The following KCNMB2 variants were observed in gnomAD, a reference collection of about 807,000 sequenced individuals.
The protein encoded by KCNMB2 is calcium-activated potassium channel subunit beta-2.
A neutral mutation model predicts 24.5 loss-of-function variants in KCNMB2; 9 were observed. The observed-to-expected ratio is 0.37, with a 90% CI of 0.22 to 0.64. KCNMB2 has a LOEUF of 0.64. Ranked by LOEUF, KCNMB2 falls within the 30% of genes least tolerant of loss-of-function variation. The pLI is 0.63. For synonymous variants in KCNMB2, 109 were observed against 104.4 expected (o/e 1.04, Z -0.27); for missense variants, 226 against 284.3 (o/e 0.79, Z 1.47).
intron 1 of KCNMB2, among the ~76,000 whole-genome samples, chr3:178,570,394 G>A (rs879802452): frequency 6.6e-6 from 1 of 151,800 alleles, no homozygotes. Flanking sequence ...TAGACAAAAC[G>A]TGAAAATATT....
intron 1 of KCNMB2, among the ~76,000 whole-genome samples, chr3:178,592,457 G>A (rs766650918): frequency 9.9e-5 from 15 of 151,858 alleles, no homozygotes; most frequent in African/African-American, 1.7e-4. Flanking sequence ...GGAATGATGC[G>A]TATGTGTAAT....
chr3:178,673,869 C>A (rs1271511567), intron 1 of KCNMB2, among the ~76,000 whole-genome samples: 1 of 152,052 alleles, frequency 6.6e-6, no homozygotes, highest in East Asian at 1.9e-4. Context: ...ACACTCTCAC[C>A]AATTCTTTCT....
chr3:178,753,701 C>A (rs753478016), intron 1 of KCNMB2, among the ~76,000 whole-genome samples: 1 of 152,082 alleles, frequency 6.6e-6, no homozygotes. Context: ...TTATGGCATA[C>A]AATGTGATGT....
intron 1 of KCNMB2, among the ~76,000 whole-genome samples, chr3:178,625,284 C>A (rs1020214886): frequency 6.6e-6 from 1 of 152,024 alleles, no homozygotes; most frequent in Non-Finnish European, 1.5e-5. Flanking sequence ...AGGGGCCCAC[C>A]CAGGACAAGG....
chr3:178,754,909 C>A (rs1723978679), intron 1 of KCNMB2, among the ~76,000 whole-genome samples: 1 of 152,290 alleles, frequency 6.6e-6, no homozygotes, highest in Middle Eastern at 3.4e-3. Context: ...GACTAAAGTT[C>A]CTCTCCCGCA....
intron 1 of KCNMB2, among the ~76,000 whole-genome samples, chr3:178,692,941 G>A (rs575893957): frequency 6.6e-6 from 1 of 152,264 alleles, no homozygotes; most frequent in East Asian, 1.9e-4. Context: ...ATGTTTTGCA[G>A]TTCTCCTAAT....
chr3:178,817,228 A>ATATATATATATATATATATATAT (rs1553781212), intron 2 of KCNMB2, among the ~76,000 whole-genome samples: 9 of 102,432 alleles, frequency 8.8e-5, no homozygotes, highest in African/African-American at 2.7e-4. Flanking sequence ...TATATATATA[A>ATATATATATATATATATATATAT]ATGAAGTGTG....
chr3:178,756,664 G>C (rs539792649), intron 1 of KCNMB2, among the ~76,000 whole-genome samples: 1 of 152,122 alleles, frequency 6.6e-6, no homozygotes, highest in East Asian at 1.9e-4. Context: ...CCCAAATTCA[G>C]CCATTTCTCC....
intron 1 of KCNMB2, among the ~76,000 whole-genome samples, chr3:178,731,016 T>C (rs1474533597): frequency 6.6e-6 from 1 of 151,882 alleles, no homozygotes; most frequent in Non-Finnish European, 1.5e-5. Context: ...AACAAACAAG[T>C]ATTCCTGCTT....
At chr3:178,579,144 T>G (rs1157179253) in intron 1 of KCNMB2, among the ~76,000 whole-genome samples, 5 of 152,114 alleles carry the variant, frequency 3.3e-5, no homozygotes, top group Non-Finnish European at 7.4e-5. Context: ...CCTCAGCAAA[T>G]GCAAAAGAAC....
chr3:178,646,775 A>C (rs1719938981), intron 1 of KCNMB2, among the ~76,000 whole-genome samples: 1 of 152,234 alleles, frequency 6.6e-6, no homozygotes, highest in Non-Finnish European at 1.5e-5. Flanking sequence ...GACAGAATTC[A>C]TTAAAGAACA....
intron 1 of KCNMB2, among the ~76,000 whole-genome samples, chr3:178,591,819 A>AT (rs1717686207): frequency 6.6e-6 from 1 of 152,116 alleles, no homozygotes; most frequent in South Asian, 2.1e-4. Flanking sequence ...CTGATGTAGA[A>AT]TATCAGGTCG....
chr3:178,737,248 GAC>G (rs1723349000), intron 1 of KCNMB2, among the ~76,000 whole-genome samples: 1 of 151,964 alleles, frequency 6.6e-6, no homozygotes, highest in African/African-American at 2.4e-5. Flanking sequence ...CAGCCTGGGT[GAC>G]AGAGTGAGAT....
chr3:178,609,623 T>G (rs1416824818), intron 1 of KCNMB2, among the ~76,000 whole-genome samples: 3 of 152,036 alleles, frequency 2.0e-5, no homozygotes, highest in Admixed American at 2.0e-4. Context: ...ATCTTAGATA[T>G]AAGTCTTTAG....
chr3:178,707,402 C>T (rs1358871566), intron 1 of KCNMB2, among the ~76,000 whole-genome samples: 1 of 152,128 alleles, frequency 6.6e-6, no homozygotes, highest in Admixed American at 6.6e-5. Context: ...AGAAGTTTTG[C>T]TTCTGTTGCA....
intron 1 of KCNMB2, among the ~76,000 whole-genome samples, chr3:178,629,773 C>T (rs1577060430): frequency 1.3e-5 from 2 of 152,154 alleles, no homozygotes; most frequent in African/African-American, 4.8e-5. Context: ...TAAGTTTGTG[C>T]TCATGGAAAT....
chr3:178,554,674 C>T (rs1716066196), intron 1 of KCNMB2, among the ~76,000 whole-genome samples: 2 of 152,096 alleles, frequency 1.3e-5, no homozygotes, highest in Admixed American at 6.5e-5. Context: ...AAATAAAGAA[C>T]TCAAGTTTGC....
intron 1 of KCNMB2, among the ~76,000 whole-genome samples, chr3:178,756,914 A>C (rs1206123004): frequency 6.6e-6 from 1 of 152,030 alleles, no homozygotes; most frequent in Non-Finnish European, 1.5e-5. Context: ...AACACTGGAC[A>C]GCACTTCAGC....
intron 1 of KCNMB2, among the ~76,000 whole-genome samples, chr3:178,621,215 G>C (rs1021253370): frequency 5.9e-5 from 9 of 151,998 alleles, no homozygotes; most frequent in African/African-American, 2.2e-4. Context: ...AGATAACAAG[G>C]GAGGAACAGA....
Sources: allele counts gnomAD v4.1 joint callset (sites outside exome capture counted in the v4.1 genomes callset), GRCh38; gene constraint gnomAD v4.1.1; transcripts MANE v1.5; gene names NCBI Gene and HGNC (gene_info 2026-07-23, HGNC 2026-07-21).